The following LRP1B variants were observed in gnomAD, a reference collection of about 807,000 sequenced individuals.
LRP1B encodes low-density lipoprotein receptor-related protein 1B.
In LRP1B, 217 loss-of-function variants were observed where a neutral mutation model predicts 556.6. The observed-to-expected ratio is 0.39, with a 90% CI of 0.35 to 0.44. The LOEUF is 0.44. Ranked by LOEUF, LRP1B falls within the 20% of genes least tolerant of loss-of-function variation. The pLI is 1.00. For missense variants in LRP1B, 5,053 were observed against 5,620.8 expected, an observed-to-expected ratio of 0.90 and a Z score of 3.23; for synonymous variants, 2,047 against 1,865.8, an observed-to-expected ratio of 1.10 and a Z score of -2.50.
chr2:141,310,535 T>G (rs1436236933), intron 3 of LRP1B, among the ~76,000 whole-genome samples: 1 of 152,176 alleles, frequency 6.6e-6, no homozygotes, highest in East Asian at 1.9e-4. Context: ...AAGTGACACC[T>G]AGAGATCATA....
intron 35 of LRP1B, among the ~76,000 whole-genome samples, chr2:140,754,310 A>G (rs1179759648): frequency 6.6e-6 from 1 of 152,188 alleles, no homozygotes; most frequent in Non-Finnish European, 1.5e-5. Flanking sequence ...GCCCCTCTGG[A>G]GTGAGAAGAA....
At position 140,836,116 on chromosome 2, in the gene LRP1B, T is replaced by G. The variant is rs1169340219; in HGVS notation, c.5209+3875A>C. 2.0e-5 allele frequency among the ~76,000 whole-genome samples: 3 copies of G among 152,188 alleles called. No homozygotes were observed. In the East Asian group the frequency reaches 5.8e-4, roughly 29 times the overall value. ...TAATGAAGATGTAGGCTCTTCTAAATTTTTTTAATATTATGATTTAATGTA... is the reference window on the plus strand; with the variant it reads ...TAATGAAGATGTAGGCTCTTCTAAAGTTTTTTAATATTATGATTTAATGTA... On this transcript the variant is annotated intron_variant, in intron 31 of 90. Transcript: ENST00000389484.
intron 75 of LRP1B, among the ~76,000 whole-genome samples, chr2:140,354,911 TAAGTG>T (rs1682140547): frequency 6.6e-6 from 1 of 152,032 alleles, no homozygotes; most frequent in Non-Finnish European, 1.5e-5. Context: ...TTCAGATACA[TAAGTG>T]AAGGGCACAA....
chr2:141,393,822 A>G (rs1174808709), intron 3 of LRP1B, among the ~76,000 whole-genome samples: 1 of 152,196 alleles, frequency 6.6e-6, no homozygotes, highest in African/African-American at 2.4e-5. Context: ...GAAAAATAGA[A>G]AATAAAGATG....
intron 7 of LRP1B, among the ~76,000 whole-genome samples, chr2:141,096,620 G>GA (rs1422991452): frequency 0.034 from 1,590 of 47,258 alleles, 101 homozygotes; most frequent in South Asian, 0.073. Context: ...GACAAAGACG[G>GA]GGAGAGGGGG....
In LRP1B at chr2:140,280,461, A is replaced by T. The variant is rs1211650499; in HGVS notation, c.12968-5863T>A. Among the ~76,000 whole-genome samples the T allele has an allele frequency of 6.6e-4, 101 of 151,892 alleles. 1 individual carries two copies. Among genetic ancestry groups the T allele is most frequent in the Non-Finnish European group, 2.9e-5 (2 of 67,830 alleles). ...CGATTTATGAACTGTACAGTTAATC[A>T]TCTTATGAACGATGTGTAATTTGGC... On this transcript the variant is annotated intron_variant, in intron 84 of 90. Coordinates refer to ENST00000389484, the MANE Select transcript of LRP1B (RefSeq NM_018557.3).
intron 80 of LRP1B, among the ~76,000 whole-genome samples, chr2:140,324,763 A>G (rs1680369984): frequency 6.6e-6 from 1 of 151,970 alleles, no homozygotes. Flanking sequence ...TAAAGTATAA[A>G]GTGTCTTTAT....
intron 66 of LRP1B, among the ~76,000 whole-genome samples, chr2:140,416,918 G>C (rs1487769077): frequency 5.9e-5 from 9 of 152,118 alleles, no homozygotes; most frequent in African/African-American, 2.2e-4. Context: ...AAAAACAAAG[G>C]TCATCTGAGA....
At chr2:140,260,916 G>A (rs926668921) in intron 86 of LRP1B, among the ~76,000 whole-genome samples, 1 of 151,592 alleles carries the variant, frequency 6.6e-6, no homozygotes, top group Non-Finnish European at 1.5e-5. Flanking sequence ...GTTCCACAAA[G>A]CCAATTTTTT....
At chr2:141,050,230 A>G (rs1698995858) in intron 10 of LRP1B, among the ~76,000 whole-genome samples, 3 of 151,948 alleles carry the variant, frequency 2.0e-5, no homozygotes. Context: ...AATTATTTAT[A>G]AACCTAACAA....
At chr2:141,995,881 C>T (rs1317970291) in intron 1 of LRP1B, among the ~76,000 whole-genome samples, 1 of 152,016 alleles carries the variant, frequency 6.6e-6, no homozygotes. Context: ...AAAATGCATA[C>T]AATGTGGGTT....
At chr2:141,139,637 T>C (rs1336764793) in intron 7 of LRP1B, among the ~76,000 whole-genome samples, 4 of 152,118 alleles carry the variant, frequency 2.6e-5, no homozygotes, top group African/African-American at 9.6e-5. Context: ...AGTAAAATGA[T>C]AATGCAATAC....
Position 140,350,661 on chromosome 2 carries a change from T to G in LRP1B, c.11892+136A>C, listed in dbSNP as rs1681915573. On this transcript the variant is annotated intron_variant, in intron 77 of 90. Transcript: ENST00000389484. ...AGAATGAGTAGAGAAATGCATTATT[T>G]CTATTTAAGGAGAATATTGGGAGAA... is the stretch of plus-strand genomic sequence containing the variant. 4.1e-6 allele frequency: 3 copies of G among 733,778 alleles called. No homozygotes were observed. The Admixed American group carries it at 1.1e-4, about 27-fold the overall frequency. The allele number at this position is 733,778 out of a possible 1,614,324, so 45.5% of individuals were successfully genotyped here.
intron 2 of LRP1B, among the ~76,000 whole-genome samples, chr2:141,751,118 A>G (rs1385405923): frequency 6.6e-6 from 1 of 152,054 alleles, no homozygotes; most frequent in East Asian, 1.9e-4. Context: ...ATTTCTATTC[A>G]AAAGAATAGA....
rs79559960 is a variant in LRP1B, at chr2:141,586,070, A to G, written c.206-105537T>C. Among the ~76,000 whole-genome samples the G allele has an allele frequency of 9.7e-3, 1,484 of 152,292 alleles. 15 individuals carry two copies. The highest frequency in any genetic ancestry group is 0.029 in the African/African-American group (1,205 of 41,560). ...GATGCAACATAAAATGCATCTTAGG[A>G]AGTAATCTTATCCTGGAAGTAGAAT... On this transcript the variant is annotated intron_variant, in intron 2 of 90. Coordinates refer to ENST00000389484, the MANE Select transcript of LRP1B (RefSeq NM_018557.3).
chr2:140,267,957 C>T (rs1168842834), intron 86 of LRP1B, among the ~76,000 whole-genome samples: 2 of 151,452 alleles, frequency 1.3e-5, no homozygotes, highest in Non-Finnish European at 2.9e-5. Context: ...AAAAAATCAA[C>T]GTGGGCTGCT....
chr2:140,775,959 A>T, intron 33 of LRP1B, 139 bp downstream of exon 33: 1 of 663,228 alleles, frequency 1.5e-6, no homozygotes, highest in South Asian at 2.2e-5. Context: ...CTCCTACAGT[A>T]GTAAGCAACA....
At chr2:142,090,001 T>G (rs909650264) in intron 1 of LRP1B, among the ~76,000 whole-genome samples, 1 of 152,070 alleles carries the variant, frequency 6.6e-6, no homozygotes, top group African/African-American at 2.4e-5. Context: ...TTTGAGTTGC[T>G]GTCAGAAAAA....
At chr2:141,689,727 G>C (rs1381414710) in intron 2 of LRP1B, among the ~76,000 whole-genome samples, 1 of 151,588 alleles carries the variant, frequency 6.6e-6, no homozygotes, top group African/African-American at 2.4e-5. Context: ...CCTTGATAAA[G>C]GTTGTTTAAT....
Sources: gnomAD v4.1 joint callset for allele counts (sites outside exome capture counted in the v4.1 genomes callset) on GRCh38, gnomAD v4.1.1 for gene constraint, MANE v1.5 for transcripts, NCBI Gene and HGNC (gene_info 2026-07-23, HGNC 2026-07-21) for gene names.